The following OTOGL variants were observed in gnomAD, a reference collection of about 807,000 sequenced individuals.
OTOGL encodes otogelin like, also known as otogelin-like protein.
Under a neutral mutation model 318.5 loss-of-function variants are expected in OTOGL, and 285 were observed. The ratio of observed to expected loss-of-function variants is 0.89; its 90% confidence interval spans 0.81 to 0.99. The LOEUF is 0.99. Among genes scored for constraint, OTOGL ranks in the 50% least tolerant of loss-of-function variants. The pLI, the probability that OTOGL is intolerant of heterozygous loss-of-function variation, is 0.00. For missense variants in OTOGL, 2,899 were observed against 2,845.6 expected (o/e 1.02, Z -0.43); for synonymous variants, 987 against 936.5 (o/e 1.05, Z -0.99).
chr12:80,229,658 T>G (rs1214419621), intron 8 of OTOGL, among the ~76,000 whole-genome samples: 2 of 152,120 alleles, frequency 1.3e-5, no homozygotes, highest in Non-Finnish European at 2.9e-5. Context: ...CTTTTTTTTT[T>G]TCTGAGAGAT....
In OTOGL at chr12:80,267,217, A is replaced by G. The variant is rs570520641; in HGVS notation, c.2391-36A>G. The G allele has an allele frequency of 7.3e-5, 101 of 1,381,778 alleles. No individual in the cohort carries two copies. In the African/African-American group the frequency reaches 1.3e-3, roughly 18 times the overall value. The allele number at this position is 1,381,778 out of a possible 1,614,324, so 85.6% of individuals were successfully genotyped here. On this transcript the variant is annotated intron_variant, in intron 21 of 58. Coordinates refer to ENST00000547103, the MANE Select transcript of OTOGL (RefSeq NM_001378609.3). ...TGAATTTTAGTGGTTTTTGAAAAAA[A>G]TTGTATCCTATTTACTTTACTTTTT...
chr12:80,336,167 TC>T (rs370968863), intron 39 of OTOGL, 27 bp downstream of exon 39: 25 of 1,489,014 alleles, frequency 1.7e-5, no homozygotes, highest in Middle Eastern at 1.8e-4. Flanking sequence ...TAAGCGGTGA[TC>T]TTTTTTTTTT....
At chr12:80,373,792 T>C (rs1415180173) in intron 57 of OTOGL, among the ~76,000 whole-genome samples, 1 of 152,098 alleles carries the variant, frequency 6.6e-6, no homozygotes, top group Non-Finnish European at 1.5e-5. Flanking sequence ...TCATACCTCT[T>C]GTAAGTGATA....
intron 1 of OTOGL, among the ~76,000 whole-genome samples, chr12:80,126,506 T>C (rs547649672): frequency 6.6e-6 from 1 of 152,200 alleles, no homozygotes; most frequent in Non-Finnish European, 1.5e-5. Flanking sequence ...CTGAAAAGAA[T>C]GTATATTCTG....
Position 80,256,012 on chromosome 12 carries a change from A to AT in OTOGL, c.1588-324dup, listed in dbSNP as rs548675097. Among the ~76,000 whole-genome samples, 497 of 152,134 alleles carry AT rather than the reference A, an allele frequency of 3.3e-3. 4 individuals are homozygous for AT. Among genetic ancestry groups the AT allele is most frequent in the African/African-American group, 0.011 (468 of 41,552 alleles). On this transcript the variant is annotated intron_variant, in intron 16 of 58. Coordinates refer to ENST00000547103, the MANE Select transcript of OTOGL (RefSeq NM_001378609.3). ...AGGTACTTTATATGCCATGGAAAAC[A>AT]TAACTATTGGTACTTTACTGAAAGA...
chr12:80,274,506 G>T (rs1883648403), intron 24 of OTOGL, among the ~76,000 whole-genome samples: 1 of 152,000 alleles, frequency 6.6e-6, no homozygotes, highest in Non-Finnish European at 1.5e-5. Flanking sequence ...TTTAAGAAAA[G>T]AAACTATCTC....
Position 80,370,703 on chromosome 12 carries a change from T to C in OTOGL, c.6735+14T>C. ...GAATGCAAAATGGTTTGTACTTTGT[T>C]GTATCTAAGAAAATTTATTATTATA... On this transcript the variant is annotated intron_variant, in intron 56 of 58. Coordinates refer to ENST00000547103, the MANE Select transcript of OTOGL (RefSeq NM_001378609.3). The C allele has an allele frequency of 6.6e-7, 1 of 1,506,800 alleles. No individual in the cohort carries two copies. Among genetic ancestry groups the C allele is most frequent in the African/African-American group, 1.4e-5 (1 of 70,900 alleles). The allele number at this position is 1,506,800 out of a possible 1,614,324, so 93.3% of individuals were successfully genotyped here.
Position 80,168,362 on chromosome 12 carries a change from T to A in OTOGL, c.-19-41051T>A, listed in dbSNP as rs557500444. Among the ~76,000 whole-genome samples, 586 of 152,260 alleles carry A rather than the reference T, an allele frequency of 3.8e-3. 2 individuals carry two copies. Among genetic ancestry groups the A allele is most frequent in the African/African-American group, 0.013 (551 of 41,562 alleles). ...CACTCTATAAGATATTTTTAAAAAA[T>A]ATAGCCTATAAGAGAACAATTTGTC... On this transcript the variant is annotated intron_variant, in intron 1 of 58. Coordinates refer to ENST00000547103, the MANE Select transcript of OTOGL (RefSeq NM_001378609.3).
In OTOGL at chr12:80,139,700, T is replaced by C. The variant is rs552422413; in HGVS notation, c.-20+40095T>C. On this transcript the variant is annotated intron_variant, in intron 1 of 58. Coordinates refer to ENST00000547103, the MANE Select transcript of OTOGL (RefSeq NM_001378609.3). ...AGGCCTTTTTGAATTCCCACTGTGC[T>C]TATCATAGTGCCTTAAAGACAGTAG... 3.3e-5 allele frequency among the ~76,000 whole-genome samples: 5 copies of C among 152,300 alleles called. No homozygotes were observed. The South Asian group carries it at 8.3e-4, about 25-fold the overall frequency.
intron 1 of OTOGL, among the ~76,000 whole-genome samples, chr12:80,139,905 C>T (rs2137138316): frequency 6.6e-6 from 1 of 152,278 alleles, no homozygotes; most frequent in East Asian, 1.9e-4. Flanking sequence ...CTACTAACAT[C>T]CTACACTGAC....
intron 7 of OTOGL, 44 bp downstream of exon 7, chr12:80,222,289 G>A: frequency 1.4e-6 from 2 of 1,465,724 alleles, no homozygotes; most frequent in East Asian, 2.3e-5. Flanking sequence ...TATTATCTCT[G>A]GAAAAGTATG....
At chr12:80,265,276 C>T (rs1882866098) in intron 20 of OTOGL, 66 bp downstream of exon 20, 1 of 1,413,840 alleles carries the variant, frequency 7.1e-7, no homozygotes, top group Non-Finnish European at 9.7e-7. Flanking sequence ...TTTGTAATGA[C>T]TGCTTTTATT....
intron 1 of OTOGL, among the ~76,000 whole-genome samples, chr12:80,190,877 C>T (rs1163983007): frequency 7.2e-6 from 1 of 138,264 alleles, no homozygotes; most frequent in Non-Finnish European, 1.5e-5. Flanking sequence ...AAAAATAGTT[C>T]TTCCTTTACT....
At chr12:80,214,421 A>G (rs1183395583) in intron 4 of OTOGL, among the ~76,000 whole-genome samples, 1 of 152,258 alleles carries the variant, frequency 6.6e-6, no homozygotes, top group East Asian at 1.9e-4. Context: ...AGAGCCTAAA[A>G]TCTCCAGGAA....
rs371542827 is a variant in OTOGL, at chr12:80,252,057, C to T, written c.1160-19C>T. 5.8e-4 allele frequency: 870 copies of T among 1,509,646 alleles called. No homozygotes were observed. Among genetic ancestry groups the T allele is most frequent in the Non-Finnish European group, 7.0e-4 (794 of 1,126,408 alleles). The allele number at this position is 1,509,646 out of a possible 1,614,324, so 93.5% of individuals were successfully genotyped here. ...AGGCTAATAAAATTGACTTAAGCTC[C>T]CCTGTTTGTCTGTTTTAGCTGATAA... On this transcript the variant is annotated intron_variant, in intron 12 of 58. Transcript: ENST00000547103.
chr12:80,163,858 A>G (rs1325473551), intron 1 of OTOGL, among the ~76,000 whole-genome samples: 2 of 152,146 alleles, frequency 1.3e-5, no homozygotes, highest in African/African-American at 4.8e-5. Flanking sequence ...TCCATTGGTA[A>G]AGTCAAAGGG....
intron 26 of OTOGL, among the ~76,000 whole-genome samples, chr12:80,279,902 C>T (rs550167141): frequency 1.3e-5 from 2 of 151,824 alleles, no homozygotes; most frequent in South Asian, 2.1e-4. Flanking sequence ...TTTACATTCT[C>T]ACCAGCAGCA....
At chr12:80,155,553 C>T (rs562586019) in intron 1 of OTOGL, among the ~76,000 whole-genome samples, 1 of 152,276 alleles carries the variant, frequency 6.6e-6, no homozygotes, top group South Asian at 2.1e-4. Flanking sequence ...GCATGCAATG[C>T]ATAATAATCA....
At chr12:80,331,067 T>C (rs1301144760) in intron 37 of OTOGL, among the ~76,000 whole-genome samples, 2 of 152,152 alleles carry the variant, frequency 1.3e-5, no homozygotes, top group East Asian at 3.8e-4. Context: ...ACAATCCCTA[T>C]CAAAATCCCA....
Sources: gnomAD v4.1 joint callset for allele counts (sites outside exome capture counted in the v4.1 genomes callset) on GRCh38, gnomAD v4.1.1 for gene constraint, MANE v1.5 for transcripts, NCBI Gene and HGNC (gene_info 2026-07-23, HGNC 2026-07-21) for gene names.